The following ST8SIA2 variants were observed in gnomAD, a reference collection of about 807,000 sequenced individuals.
ST8SIA2 encodes the protein alpha-2,8-sialyltransferase 8B.
A neutral mutation model predicts 37.6 loss-of-function variants in ST8SIA2; 22 were observed. The observed-to-expected ratio is 0.58, with a 90% CI of 0.42 to 0.83. The LOEUF (loss-of-function observed/expected upper bound fraction) is 0.83. Ranked by LOEUF, ST8SIA2 falls within the 40% of genes least tolerant of loss-of-function variation. The pLI is 0.00. For missense variants in ST8SIA2, 382 were observed against 484.7 expected (o/e 0.79, Z 1.99); for synonymous variants, 205 against 201.2 (o/e 1.02, Z -0.16).
intron 1 of ST8SIA2, among the ~76,000 whole-genome samples, chr15:92,403,056 T>C (rs897724243): frequency 4.6e-5 from 7 of 152,080 alleles, no homozygotes; most frequent in African/African-American, 1.7e-4. Context: ...CCAGGCTTAA[T>C]GCAAGGAGAT....
At position 92,430,097 on chromosome 15, in the gene ST8SIA2, T is replaced by C. The variant is rs772276707; in HGVS notation, c.147T>C (p.His49=). 1.2e-5 allele frequency: 20 copies of C among 1,614,022 alleles called. No homozygotes were observed. The South Asian group carries it at 1.6e-4, about 13-fold the overall frequency. ...GTIRSAVNSL[H]SKSNRAEVVI... is the part of the protein sequence containing the mutation. Reference sequence around the variant, plus strand: ...TCAGATCAGCTGTGAACAGCTTACATAGCAAATCTAATAGGTTTGTAAATT... The same window carrying C: ...TCAGATCAGCTGTGAACAGCTTACACAGCAAATCTAATAGGTTTGTAAATT... Residue 49 remains histidine (H), a synonymous_variant, in exon 2 of 6, where the codon CAT becomes CAC. Coordinates refer to ENST00000268164, the MANE Select transcript of ST8SIA2 (RefSeq NM_006011.4).
At chr15:92,450,319 T>A (rs2049872937) in intron 5 of ST8SIA2, among the ~76,000 whole-genome samples, 3 of 152,144 alleles carry the variant, frequency 2.0e-5, no homozygotes, top group Admixed American at 2.0e-4. Context: ...AAAGAAAATA[T>A]ACAAATGGCC....
Position 92,467,843 on chromosome 15 carries a change from G to A in ST8SIA2, c.*3458G>A. ...GCTGCCCCTGCCCCAGCTCCTCTCTGCAACCCAGCCCTCTCCTGAGCTCTA... is the reference window on the plus strand; with the variant it reads ...GCTGCCCCTGCCCCAGCTCCTCTCTACAACCCAGCCCTCTCCTGAGCTCTA... On this transcript the variant is annotated 3_prime_UTR_variant, in exon 6 of 6. Transcript: ENST00000268164. 1 of 152,874 alleles carries A rather than the reference G, an allele frequency of 6.5e-6. No homozygotes were observed. The highest frequency in any genetic ancestry group is 1.5e-5 in the Non-Finnish European group (1 of 68,434). 9.5% of individuals were successfully genotyped at this position (152,874 alleles called of 1,614,324 possible). A position where few individuals can be genotyped will look rare whatever the true frequency, so the allele number is the denominator to read the frequency against.
intron 5 of ST8SIA2, among the ~76,000 whole-genome samples, chr15:92,446,418 C>G (rs1209057622): frequency 6.6e-6 from 1 of 152,144 alleles, no homozygotes; most frequent in Non-Finnish European, 1.5e-5. Flanking sequence ...TACTAGTCAC[C>G]TAGTCATTAA....
intron 1 of ST8SIA2, among the ~76,000 whole-genome samples, chr15:92,394,622 G>T (rs1336935307): frequency 6.6e-6 from 1 of 152,190 alleles, no homozygotes; most frequent in Non-Finnish European, 1.5e-5. Context: ...TGGGGGAGGG[G>T]TTCCTGGGGC....
At chr15:92,422,815 G>A (rs1055111727) in intron 1 of ST8SIA2, 2 of 152,584 alleles carry the variant, frequency 1.3e-5, no homozygotes, top group African/African-American at 4.8e-5. Flanking sequence ...GAGTGCCTGA[G>A]CCAGTCAAGC....
chr15:92,409,093 C>G (rs1051628546), intron 1 of ST8SIA2, among the ~76,000 whole-genome samples: 1 of 152,218 alleles, frequency 6.6e-6, no homozygotes, highest in Admixed American at 6.5e-5. Flanking sequence ...AGTAAGTATT[C>G]CTAACAGGCG....
chr15:92,412,872 G>A (rs976271106), intron 1 of ST8SIA2, among the ~76,000 whole-genome samples: 2 of 152,054 alleles, frequency 1.3e-5, no homozygotes, highest in Non-Finnish European at 2.9e-5. Flanking sequence ...TTTGCCAGCT[G>A]GTATCAAACT....
chr15:92,421,901 G>T (rs2049637452), intron 1 of ST8SIA2, among the ~76,000 whole-genome samples: 1 of 152,176 alleles, frequency 6.6e-6, no homozygotes, highest in South Asian at 2.1e-4. Context: ...GCAAAATCAT[G>T]TGCCCTCCCC....
chr15:92,414,271 C>G (rs968342817), intron 1 of ST8SIA2, among the ~76,000 whole-genome samples: 4 of 152,224 alleles, frequency 2.6e-5, no homozygotes, highest in African/African-American at 9.6e-5. Flanking sequence ...GTACCTCTGC[C>G]TCTCGGATCT....
Position 92,393,991 on chromosome 15 carries a change from GC to G in ST8SIA2, c.-73del, listed in dbSNP as rs1421964837. ...CTGCGCGCGGCGCGCGGAGGCTCCG[GC>G]GTCCGCCGCTGCGCCCTCCGGCCCC... On this transcript the variant is annotated 5_prime_UTR_variant, in exon 1 of 6. Coordinates refer to ENST00000268164, the MANE Select transcript of ST8SIA2 (RefSeq NM_006011.4). The G allele has an allele frequency of 1.4e-4, 161 of 1,116,652 alleles. No homozygotes were observed. The Middle Eastern group carries it at 5.9e-3, about 41-fold the overall frequency. The allele number at this position is 1,116,652 out of a possible 1,614,324, so 69.2% of individuals were successfully genotyped here.
chr15:92,437,605 G>A (rs2049767908), intron 3 of ST8SIA2, among the ~76,000 whole-genome samples: 1 of 151,822 alleles, frequency 6.6e-6, no homozygotes, highest in African/African-American at 2.4e-5. Context: ...GGGGCAGCAA[G>A]GGGACGTGCA....
At chr15:92,401,864 G>A (rs1265700158) in intron 1 of ST8SIA2, among the ~76,000 whole-genome samples, 2 of 151,346 alleles carry the variant, frequency 1.3e-5, no homozygotes, top group Non-Finnish European at 2.9e-5. Flanking sequence ...TAGGTCAGTG[G>A]TTCCCAAATA....
Position 92,457,067 on chromosome 15 carries a change from G to A in ST8SIA2, c.843-7033G>A, listed in dbSNP as rs192416260. 3.0e-3 allele frequency among the ~76,000 whole-genome samples: 450 copies of A among 152,350 alleles called. 1 individual carries two copies. The highest frequency in any genetic ancestry group is 9.4e-3 in the African/African-American group (392 of 41,580). On this transcript the variant is annotated intron_variant, in intron 5 of 5. Transcript: ENST00000268164. Reference sequence around the variant, plus strand: ...CAGTGTTCCCAAAGAAAGGACAGCCGTGGGCTGTAGGGCCCCTGGATCACG... The same window carrying A: ...CAGTGTTCCCAAAGAAAGGACAGCCATGGGCTGTAGGGCCCCTGGATCACG...
chr15:92,452,198 C>A (rs1278070400), intron 5 of ST8SIA2, among the ~76,000 whole-genome samples: 2 of 152,156 alleles, frequency 1.3e-5, no homozygotes, highest in Non-Finnish European at 2.9e-5. Flanking sequence ...CATTCATGGT[C>A]CCCAGACCAG....
chr15:92,438,759 T>TG lies in ST8SIA2; in HGVS notation c.548+153dup, dbSNP rs1213172683. 7 of 1,208,972 alleles carry TG rather than the reference T, an allele frequency of 5.8e-6. No individual in the cohort carries two copies. In the African/African-American group the frequency reaches 1.1e-4, roughly 19 times the overall value. The allele number at this position is 1,208,972 out of a possible 1,614,324, so 74.9% of individuals were successfully genotyped here. The stretch of plus-strand genomic sequence containing the variant: ...ACCATGACTGCTCATCAGAATCACT[T>TG]GGGGAGCTTCGCCTCCAATGTCCAG... On this transcript the variant is annotated intron_variant, in intron 4 of 5. Coordinates refer to ENST00000268164, the MANE Select transcript of ST8SIA2 (RefSeq NM_006011.4).
chr15:92,438,593 C>T lies in ST8SIA2; in HGVS notation c.531C>T (p.Ala177=). ...LNSGCGQEID[A]HSFVIRCNLA... is the part of the protein sequence containing the mutation. ...GCGGCTGTGGGCAGGAGATTGACGC[C>T]CACAGCTTCGTCATCAGGTAACATG... is the stretch of plus-strand genomic sequence containing the variant. The change falls in exon 4 of 6, where the codon GCC becomes GCT. Residue 177 remains alanine, a synonymous_variant. Coordinates refer to ENST00000268164, the MANE Select transcript of ST8SIA2 (RefSeq NM_006011.4). 6.2e-7 allele frequency: 1 copy of T among 1,608,544 alleles called. No homozygotes were observed. The highest frequency in any genetic ancestry group is 2.2e-5 in the East Asian group (1 of 44,770).
intron 5 of ST8SIA2, among the ~76,000 whole-genome samples, chr15:92,456,574 A>C (rs2141848869): frequency 6.6e-6 from 1 of 152,308 alleles, no homozygotes; most frequent in African/African-American, 2.4e-5. Flanking sequence ...CGGACACAAA[A>C]CCATCCAGGG....
chr15:92,403,709 A>G (rs1042199804), intron 1 of ST8SIA2, among the ~76,000 whole-genome samples: 3 of 152,182 alleles, frequency 2.0e-5, no homozygotes, highest in Admixed American at 2.0e-4. Context: ...TAGTAAATTG[A>G]TAGGGCAGGT....
Sources: gnomAD v4.1 joint callset for allele counts (sites outside exome capture counted in the v4.1 genomes callset) on GRCh38, gnomAD v4.1.1 for gene constraint, MANE v1.5 for transcripts, NCBI Gene and HGNC (gene_info 2026-07-23, HGNC 2026-07-21) for gene names.